Variants in STARD13 observed in about 807,000 individuals in gnomAD.
The protein encoded by STARD13 is StAR related lipid transfer domain containing 13, also known as stAR-related lipid transfer protein 13.
In STARD13, 62 loss-of-function variants were observed where a neutral mutation model predicts 106.4. The ratio of observed to expected loss-of-function variants is 0.58; its 90% confidence interval spans 0.48 to 0.72. The LOEUF (loss-of-function observed/expected upper bound fraction) is 0.72. STARD13 is among the 30% of genes least tolerant of loss of function. STARD13 has a pLI of 0.00. For synonymous variants in STARD13, 565 were observed against 553.0 expected, an observed-to-expected ratio of 1.02 and a Z score of -0.31; for missense variants, 1,387 against 1,424.0, an observed-to-expected ratio of 0.97 and a Z score of 0.42.
At chr13:33,578,218 T>C in the STARD13 span, among the ~76,000 whole-genome samples, 6 of 151,960 alleles carry the variant, frequency 3.9e-5, no homozygotes, top group East Asian at 1.2e-3. Flanking sequence ...AAAGAACAAA[T>C]CTGGAGGCAT....
At chr13:33,644,164 A>C in the STARD13 span, among the ~76,000 whole-genome samples, 1 of 152,218 alleles carries the variant, frequency 6.6e-6, no homozygotes, top group African/African-American at 2.4e-5. Flanking sequence ...GTGCGGGAGA[A>C]TCGGAGAGGG....
the STARD13 span, among the ~76,000 whole-genome samples, chr13:33,625,753 A>C: frequency 6.6e-6 from 1 of 151,312 alleles, no homozygotes; most frequent in Non-Finnish European, 1.5e-5. Flanking sequence ...CCAGGCTAGA[A>C]TGCGGTGGCA....
chr13:33,170,190 C>T (rs1330704617), intron 1 of STARD13, among the ~76,000 whole-genome samples: 1 of 151,928 alleles, frequency 6.6e-6, no homozygotes, highest in Non-Finnish European at 1.5e-5. Flanking sequence ...GAATAAATGC[C>T]CGAGGGGATG....
upstream of STARD13, among the ~76,000 whole-genome samples, chr13:33,287,647 G>A (rs1331138014): frequency 2.0e-5 from 3 of 152,196 alleles, no homozygotes; most frequent in Admixed American, 6.5e-5. Context: ...TGGCTGCCTG[G>A]AAGGTTCATG....
At chr13:33,440,270 CAA>C in the STARD13 span, among the ~76,000 whole-genome samples, 58 of 63,422 alleles carry the variant, frequency 9.1e-4, no homozygotes, top group Admixed American at 1.1e-3. Flanking sequence ...CAGAACGAGG[CAA>C]AAAAAAAAAA....
chr13:33,482,296 T>G, the STARD13 span, among the ~76,000 whole-genome samples: 1 of 152,322 alleles, frequency 6.6e-6, no homozygotes, highest in Non-Finnish European at 1.5e-5. Flanking sequence ...TATCTAGTCT[T>G]GCTTATGTTT....
chr13:33,577,225 A>G, the STARD13 span, among the ~76,000 whole-genome samples: 1 of 152,174 alleles, frequency 6.6e-6, no homozygotes, highest in East Asian at 1.9e-4. Flanking sequence ...ATCCAATTAC[A>G]TCATGTTTTA....
intron 12 of STARD13, among the ~76,000 whole-genome samples, chr13:33,108,284 C>G (rs1874046098): frequency 6.6e-6 from 1 of 152,170 alleles, no homozygotes; most frequent in Non-Finnish European, 1.5e-5. Context: ...CCACACTCAT[C>G]ACTTTCCACC....
chr13:33,376,145 G>C, the STARD13 span, among the ~76,000 whole-genome samples: 1 of 152,018 alleles, frequency 6.6e-6, no homozygotes, highest in Non-Finnish European at 1.5e-5. Context: ...AATGTGTAAA[G>C]CTACACCCTA....
the STARD13 span, among the ~76,000 whole-genome samples, chr13:33,385,741 T>C: frequency 3.3e-5 from 5 of 150,832 alleles, no homozygotes; most frequent in Non-Finnish European, 7.4e-5. Context: ...ATGCCTGTAG[T>C]CCCAGCTACT....
intron 2 of STARD13, among the ~76,000 whole-genome samples, chr13:33,166,655 A>G (rs1405641790): frequency 6.6e-6 from 1 of 152,172 alleles, no homozygotes; most frequent in African/African-American, 2.4e-5. Context: ...TTTGGTTATA[A>G]CTTTAGATAT....
At chr13:33,172,569 A>G (rs1457849202) in intron 1 of STARD13, among the ~76,000 whole-genome samples, 1 of 152,048 alleles carries the variant, frequency 6.6e-6, no homozygotes, top group African/African-American at 2.4e-5. Flanking sequence ...TCACATTACA[A>G]CCTCATTGTA....
the STARD13 span, among the ~76,000 whole-genome samples, chr13:33,532,547 T>G: frequency 6.6e-6 from 1 of 152,188 alleles, no homozygotes; most frequent in Non-Finnish European, 1.5e-5. Context: ...TTTTCTTCCT[T>G]TATGGCTGTG....
chr13:33,361,302 T>C, the STARD13 span, among the ~76,000 whole-genome samples: 2 of 140,150 alleles, frequency 1.4e-5, no homozygotes, highest in South Asian at 5.4e-4. Context: ...TGAATATATC[T>C]TCTCTAACTT....
At chr13:33,140,762 C>CTTTT (rs1190491022) in intron 4 of STARD13, among the ~76,000 whole-genome samples, 18 of 142,298 alleles carry the variant, frequency 1.3e-4, no homozygotes, top group African/African-American at 4.2e-4. Flanking sequence ...ACTTTCTTTT[C>CTTTT]TTTCTTTTTT....
intron 1 of STARD13, among the ~76,000 whole-genome samples, chr13:33,293,444 A>G (rs1892367420): frequency 6.6e-6 from 1 of 152,192 alleles, no homozygotes; most frequent in Non-Finnish European, 1.5e-5. Context: ...GGCAATCATT[A>G]TAGGTATTAT....
chr13:33,372,091 G>C, the STARD13 span, among the ~76,000 whole-genome samples: 1 of 152,198 alleles, frequency 6.6e-6, no homozygotes. Flanking sequence ...ACAAAGGTTA[G>C]TGAATGAGTC....
At chr13:33,179,478 T>C (rs1464281809) in intron 1 of STARD13, among the ~76,000 whole-genome samples, 3 of 152,250 alleles carry the variant, frequency 2.0e-5, no homozygotes, top group Admixed American at 6.5e-5. Flanking sequence ...TACTTTCCCA[T>C]ATTAGAAGAT....
intron 1 of STARD13, among the ~76,000 whole-genome samples, chr13:33,222,028 A>C (rs902927062): frequency 2.0e-5 from 3 of 152,148 alleles, no homozygotes; most frequent in African/African-American, 7.2e-5. Flanking sequence ...GCACACCTGC[A>C]GTCCTAGCTA....
Sources: allele counts gnomAD v4.1 joint callset (sites outside exome capture counted in the v4.1 genomes callset), GRCh38; gene constraint gnomAD v4.1.1; transcripts MANE v1.5; gene names NCBI Gene and HGNC (gene_info 2026-07-23, HGNC 2026-07-21).